Variants in IDE observed in about 807,000 individuals in gnomAD.
IDE encodes insulin-degrading enzyme.
In IDE, 58 loss-of-function variants were observed where a neutral mutation model predicts 133.2. The ratio of observed to expected loss-of-function variants is 0.44; its 90% CI spans 0.35 to 0.54. IDE has a LOEUF of 0.54. IDE is among the 20% of genes least tolerant of loss of function. The probability of loss-of-function intolerance (pLI) is 0.00; values close to 1 mark genes in which losing one functional copy is unlikely to be tolerated. For missense variants in IDE, 981 were observed against 1,234.0 expected, an observed-to-expected ratio of 0.79 and a Z score of 3.07; for synonymous variants, 396 against 421.3, an observed-to-expected ratio of 0.94 and a Z score of 0.73.
intron 20 of IDE, 74 bp from the exon 21 acceptor site, chr10:92,464,077 A>T: frequency 1.4e-6 from 2 of 1,437,934 alleles, no homozygotes; most frequent in Non-Finnish European, 1.9e-6. Context: ...TCAAAAACTA[A>T]CCTGTCTGAG....
chr10:92,572,865 C>T lies in IDE; in HGVS notation c.98+1057G>A, dbSNP rs1229242882. 3 of 984,258 alleles carry T rather than the reference C, an allele frequency of 3.0e-6. No individual in the cohort carries two copies. In the East Asian group the frequency reaches 3.4e-4, roughly 112 times the overall value. The allele number at this position is 984,258 out of a possible 1,614,324, so 61.0% of individuals were successfully genotyped here. ...AGCCAGCCTACCCCCCCATCTCTGG[C>T]CCCACACACTACCCATACTACCCAT... is the stretch of plus-strand genomic sequence containing the variant. On this transcript the variant is annotated intron_variant, in intron 1 of 24. Coordinates refer to ENST00000265986, the MANE Select transcript of IDE (RefSeq NM_004969.4).
chr10:92,506,740 C>T (rs531301858), intron 9 of IDE, among the ~76,000 whole-genome samples: 2 of 152,088 alleles, frequency 1.3e-5, no homozygotes, highest in South Asian at 4.1e-4. Flanking sequence ...AGGCTTAAAA[C>T]CAAAAGCAAA....
At chr10:92,536,117 T>C (rs1589498652) in intron 2 of IDE, among the ~76,000 whole-genome samples, 1 of 151,270 alleles carries the variant, frequency 6.6e-6, no homozygotes. Flanking sequence ...GCATGGTGGC[T>C]CTCGCCTATA....
intron 17 of IDE, among the ~76,000 whole-genome samples, chr10:92,472,964 C>G (rs1846047781): frequency 9.0e-6 from 1 of 111,424 alleles, no homozygotes; most frequent in Non-Finnish European, 1.8e-5. Context: ...TTTTTTTAGA[C>G]AAGAGTCTCA....
At chr10:92,500,061 G>A (rs951677579) in intron 11 of IDE, among the ~76,000 whole-genome samples, 29 of 152,158 alleles carry the variant, frequency 1.9e-4, no homozygotes, top group Non-Finnish European at 3.8e-4. Context: ...ACTTTGGGAG[G>A]CCGAGAACGG....
intron 11 of IDE, among the ~76,000 whole-genome samples, chr10:92,501,547 G>A (rs183884655): frequency 2.0e-5 from 3 of 151,798 alleles, no homozygotes; most frequent in African/African-American, 7.2e-5. Flanking sequence ...GCGCGTGCCT[G>A]TGGTTACAGC....
intron 1 of IDE, among the ~76,000 whole-genome samples, chr10:92,566,388 A>ATCTC (rs201698581): frequency 2.1e-5 from 3 of 144,878 alleles, no homozygotes; most frequent in Non-Finnish European, 3.0e-5. Flanking sequence ...GTCAGACTCT[A>ATCTC]TCTCTCTCTC....
chr10:92,501,398 G>A (rs1335725916), intron 11 of IDE, among the ~76,000 whole-genome samples: 1 of 137,462 alleles, frequency 7.3e-6, no homozygotes, highest in Non-Finnish European at 1.5e-5. Context: ...AAAAGCCGGT[G>A]CATTGGCTCA....
chr10:92,530,226 CAATAAATAAATAAATA>C (rs200517884), intron 4 of IDE, among the ~76,000 whole-genome samples: 2 of 149,646 alleles, frequency 1.3e-5, no homozygotes, highest in South Asian at 2.1e-4. Flanking sequence ...GACTCCGTCT[CAATAAATAAATAAATA>C]AATAAATAAA....
chr10:92,476,768 A>C (rs1164688800), intron 15 of IDE, among the ~76,000 whole-genome samples: 2 of 152,236 alleles, frequency 1.3e-5, no homozygotes, highest in Non-Finnish European at 2.9e-5. Context: ...TAATTGTAGA[A>C]TGTGGCTAAG....
intron 2 of IDE, among the ~76,000 whole-genome samples, chr10:92,536,323 C>T (rs999539042): frequency 6.7e-6 from 1 of 148,412 alleles, no homozygotes; most frequent in Non-Finnish European, 1.5e-5. Flanking sequence ...GTGGAGGCTG[C>T]AGTCAGCCGA....
intron 3 of IDE, among the ~76,000 whole-genome samples, chr10:92,534,024 A>G (rs1454603031): frequency 5.2e-5 from 4 of 77,384 alleles, no homozygotes; most frequent in Non-Finnish European, 8.0e-5. Flanking sequence ...ACTCCGTCTG[A>G]AAAAAAAAAA....
chr10:92,510,650 GAT>G, intron 5 of IDE, among the ~76,000 whole-genome samples: 1 of 150,924 alleles, frequency 6.6e-6, no homozygotes. Context: ...TCACATATAT[GAT>G]ATATATCACA....
At chr10:92,531,405 T>C (rs1267756978) in intron 4 of IDE, among the ~76,000 whole-genome samples, 1 of 152,106 alleles carries the variant, frequency 6.6e-6, no homozygotes, top group East Asian at 1.9e-4. Context: ...GACAAGTGGA[T>C]TCAACAATAC....
At chr10:92,479,971 G>C (rs546053761) in intron 14 of IDE, among the ~76,000 whole-genome samples, 38 of 152,298 alleles carry the variant, frequency 2.5e-4, no homozygotes, top group African/African-American at 8.9e-4. Flanking sequence ...AGTAAAGCTA[G>C]AGAACTGTCA....
chr10:92,550,492 A>C (rs1019850710), intron 1 of IDE, among the ~76,000 whole-genome samples: 1 of 151,582 alleles, frequency 6.6e-6, no homozygotes, highest in African/African-American at 2.4e-5. Flanking sequence ...AACACTGTGA[A>C]TACAAAAAAT....
At chr10:92,551,516 C>T (rs1842777651) in intron 1 of IDE, among the ~76,000 whole-genome samples, 1 of 134,738 alleles carries the variant, frequency 7.4e-6, no homozygotes, top group Admixed American at 8.9e-5. Flanking sequence ...TGCAGTTAGG[C>T]AAGACTGCAC....
Position 92,499,154 on chromosome 10 carries a change from T to A in IDE, c.1430+5640A>T, listed in dbSNP as rs555406631. ...ATGCATGTATCACTTAAGAGCGGTT[T>A]TTAATATTGATGAAGTCCATTTTAT... On this transcript the variant is annotated intron_variant, in intron 11 of 24. Transcript: ENST00000265986. Among the ~76,000 whole-genome samples the A allele has an allele frequency of 3.5e-4, 53 of 152,258 alleles. 1 individual carries two copies. Among genetic ancestry groups the A allele is most frequent in the African/African-American group, 1.3e-3 (53 of 41,560 alleles).
chr10:92,484,266 C>T (rs1436566489), intron 13 of IDE, among the ~76,000 whole-genome samples: 1 of 151,864 alleles, frequency 6.6e-6, no homozygotes, highest in Non-Finnish European at 1.5e-5. Context: ...CAAAAATGAG[C>T]AGGGTGTGGT....
Sources: allele counts gnomAD v4.1 joint callset (sites outside exome capture counted in the v4.1 genomes callset), GRCh38; gene constraint gnomAD v4.1.1; transcripts MANE v1.5; gene names NCBI Gene and HGNC (gene_info 2026-07-23, HGNC 2026-07-21).